FLT1: variants seen among roughly 807,000 people sequenced by gnomAD.
The protein encoded by FLT1 is vascular endothelial growth factor receptor 1.
In FLT1, 49 loss-of-function variants were observed where a neutral mutation model predicts 156.3. The observed-to-expected ratio is 0.31, with a 90% confidence interval of 0.25 to 0.40. FLT1 has a LOEUF of 0.40. Among genes scored for constraint, FLT1 ranks in the 10% least tolerant of loss-of-function variants. The pLI is 1.00. For synonymous variants in FLT1, 594 were observed against 583.8 expected (o/e 1.02, Z -0.25); for missense variants, 1,322 against 1,637.2 (o/e 0.81, Z 3.32).
At chr13:28,343,087 TC>T (rs1241605595) in intron 16 of FLT1, among the ~76,000 whole-genome samples, 1 of 152,170 alleles carries the variant, frequency 6.6e-6, no homozygotes, top group Non-Finnish European at 1.5e-5. Context: ...CAAGTGATTC[TC>T]CTGCTTCAGC....
intron 25 of FLT1, among the ~76,000 whole-genome samples, chr13:28,314,275 G>A (rs796849170): frequency 5.9e-5 from 9 of 152,190 alleles, no homozygotes; most frequent in African/African-American, 1.7e-4. Context: ...GCTGACACTC[G>A]TAAACGGAAC....
chr13:28,338,725 G>C (rs1278141098), intron 17 of FLT1, among the ~76,000 whole-genome samples: 4 of 152,140 alleles, frequency 2.6e-5, no homozygotes, highest in African/African-American at 7.2e-5. Flanking sequence ...TGATTTCACT[G>C]TTCCTTGCCA....
At chr13:28,304,507 G>A (rs1870655940) in intron 29 of FLT1, among the ~76,000 whole-genome samples, 2 of 151,618 alleles carry the variant, frequency 1.3e-5, no homozygotes, top group African/African-American at 4.8e-5. Flanking sequence ...CCACCTGTCT[G>A]GTGTTTTTTT....
chr13:28,457,893 T>C lies in FLT1; in HGVS notation c.388+9010A>G, dbSNP rs138108046. Reference sequence around the variant, plus strand: ...TCAATTTTATTACCTTTGGACTTCATTGCCATCTTTAGATTTCTTTTCCTT... The same window carrying C: ...TCAATTTTATTACCTTTGGACTTCACTGCCATCTTTAGATTTCTTTTCCTT... On this transcript the variant is annotated intron_variant, in intron 3 of 29. Transcript: ENST00000282397. Among the ~76,000 whole-genome samples, 913 of 152,068 alleles carry C rather than the reference T, an allele frequency of 6.0e-3. 6 individuals are homozygous for C. Among genetic ancestry groups the C allele is most frequent in the Non-Finnish European group, 0.01 (684 of 67,986 alleles).
At position 28,490,803 on chromosome 13, in the gene FLT1, A is replaced by G. The variant is rs553236743; in HGVS notation, c.64+3977T>C. ...TGATTTCAAATGCCCTTCCTCCCCT[A>G]CCTGCAATGACAAATGCACTGAAAA... On this transcript the variant is annotated intron_variant, in intron 1 of 29. Transcript: ENST00000282397. Among the ~76,000 whole-genome samples, 5 of 152,284 alleles carry G rather than the reference A, an allele frequency of 3.3e-5. No homozygotes were observed. The South Asian group carries it at 1.0e-3, about 32-fold the overall frequency.
chr13:28,385,326 C>G (rs957873571), intron 13 of FLT1, among the ~76,000 whole-genome samples: 3 of 152,038 alleles, frequency 2.0e-5, no homozygotes, highest in Non-Finnish European at 4.4e-5. Flanking sequence ...TTGAGAGGAG[C>G]TTTTCTAAAA....
chr13:28,376,932 C>A (rs940309974), intron 14 of FLT1, among the ~76,000 whole-genome samples: 3 of 152,134 alleles, frequency 2.0e-5, no homozygotes, highest in Non-Finnish European at 4.4e-5. Flanking sequence ...ATATTTTTAG[C>A]CCAACAGAAA....
At chr13:28,452,434 A>G (rs1327714125) in intron 3 of FLT1, among the ~76,000 whole-genome samples, 2 of 152,214 alleles carry the variant, frequency 1.3e-5, no homozygotes, top group East Asian at 3.8e-4. Flanking sequence ...TTAATAAACG[A>G]TAGTGACCTA....
Position 28,300,732 on chromosome 13 carries a change from G to A in FLT1, c.*2435C>T, listed in dbSNP as rs1345726033. 3 of 233,056 alleles carry A rather than the reference G, an allele frequency of 1.3e-5. No homozygotes were observed. In the East Asian group the frequency reaches 1.8e-4, roughly 14 times the overall value. The allele number at this position is 233,056 out of a possible 1,614,324, so 14.4% of individuals were successfully genotyped here. A position where few individuals can be genotyped will look rare whatever the true frequency, so the allele number is the denominator to read the frequency against. ...CTGACAAGACACAGACTTGCACATG[G>A]TTTCAGCCCCATTCCACCCAGACTG... On this transcript the variant is annotated 3_prime_UTR_variant, in exon 30 of 30. Coordinates refer to ENST00000282397, the MANE Select transcript of FLT1 (RefSeq NM_002019.4).
intron 13 of FLT1, chr13:28,389,135 T>C (rs992334531): frequency 1.9e-6 from 2 of 1,050,936 alleles, no homozygotes; most frequent in Non-Finnish European, 2.3e-6. Flanking sequence ...TCAAGATAAA[T>C]GTGCTTAACG....
At chr13:28,493,336 G>A (rs1881569177) in intron 1 of FLT1, among the ~76,000 whole-genome samples, 1 of 152,112 alleles carries the variant, frequency 6.6e-6, no homozygotes, top group Non-Finnish European at 1.5e-5. Flanking sequence ...ATATAGTTAT[G>A]TTAGCACCTT....
chr13:28,387,566 A>C (rs958678052), intron 13 of FLT1: 7 of 1,063,926 alleles, frequency 6.6e-6, no homozygotes, highest in Non-Finnish European at 8.0e-6. Flanking sequence ...TTCACTTTTC[A>C]GTGTTATGGC....
chr13:28,467,317 T>C (rs1424406812), intron 2 of FLT1, among the ~76,000 whole-genome samples, 188 bp from the exon 3 acceptor site: 2 of 152,074 alleles, frequency 1.3e-5, no homozygotes, highest in South Asian at 2.1e-4. Context: ...GCAGAACTAT[T>C]TGGGCATCCC....
chr13:28,343,390 C>T (rs1248874579), intron 16 of FLT1, among the ~76,000 whole-genome samples: 1 of 151,790 alleles, frequency 6.6e-6, no homozygotes, highest in Non-Finnish European at 1.5e-5. Flanking sequence ...AACCTCCGCC[C>T]CCGGGTCCAA....
chr13:28,377,062 G>C (rs1437776802), intron 14 of FLT1, among the ~76,000 whole-genome samples: 1 of 152,140 alleles, frequency 6.6e-6, no homozygotes, highest in Non-Finnish European at 1.5e-5. Flanking sequence ...GTGCTTCTTG[G>C]TATTAGTCCC....
chr13:28,320,885 G>A (rs1871426410), intron 23 of FLT1, among the ~76,000 whole-genome samples: 1 of 152,130 alleles, frequency 6.6e-6, no homozygotes, highest in African/African-American at 2.4e-5. Context: ...AAGGAGAAGG[G>A]AGGACATGGG....
chr13:28,492,562 T>TGCA (rs936993018), intron 1 of FLT1, among the ~76,000 whole-genome samples: 19 of 152,254 alleles, frequency 1.2e-4, no homozygotes, highest in Non-Finnish European at 2.2e-4. Flanking sequence ...TCAATGCATG[T>TGCA]GCACACCAGG....
rs117764531 is a variant in FLT1 at position 28,493,320 on chromosome 13, T to C, written c.64+1460A>G. Among the ~76,000 whole-genome samples, 628 of 152,348 alleles carry C rather than the reference T, an allele frequency of 4.1e-3. 2 individuals carry two copies. Among genetic ancestry groups the C allele is most frequent in the Non-Finnish European group, 7.1e-3 (483 of 68,022 alleles). On this transcript the variant is annotated intron_variant, in intron 1 of 29. Transcript: ENST00000282397. ...TTGTGAAATAGAAAATACAACATTT[T>C]ATTTAATATAGTTATGTTAGCACCT...
chr13:28,360,444 C>T (rs1363363016), intron 14 of FLT1, among the ~76,000 whole-genome samples: 1 of 152,158 alleles, frequency 6.6e-6, no homozygotes, highest in Non-Finnish European at 1.5e-5. Flanking sequence ...CCTATGTGTC[C>T]ATCAATGGAT....
Sources: allele counts gnomAD v4.1 joint callset (sites outside exome capture counted in the v4.1 genomes callset), GRCh38; gene constraint gnomAD v4.1.1; transcripts MANE v1.5; gene names NCBI Gene and HGNC (gene_info 2026-07-23, HGNC 2026-07-21).